The following CLCN4 variants were observed in gnomAD, a reference collection of about 807,000 sequenced individuals.
CLCN4 encodes Cl-/H+ antiporter 4, also known as H(+)/Cl(-) exchange transporter 4.
A neutral mutation model predicts 41.7 loss-of-function variants in CLCN4; 1 was observed. The ratio of observed to expected loss-of-function variants is 0.02; its 90% CI spans 0.01 to 0.11. The LOEUF is 0.11. Among genes scored for constraint, CLCN4 ranks in the 10% least tolerant of loss-of-function variants. The pLI is 1.00. For missense variants in CLCN4, 287 were observed against 661.0 expected (o/e 0.43, Z 6.20); for synonymous variants, 277 against 285.8 (o/e 0.97, Z 0.31).
Position 10,181,678 on chromosome X carries a change from T to C in CLCN4, c.-11-3344T>C, listed in dbSNP as rs1923688616. 3.6e-5 allele frequency among the ~76,000 whole-genome samples: 4 copies of C among 112,027 alleles called. No individual in the cohort carries two copies. The Admixed American group carries it at 3.8e-4, about 11-fold the overall frequency. ...TACTTAGAATCTGTCCTTCTAGATC[T>C]TGATCTAGGTGATTTCCTGCTTTCT... On this transcript the variant is annotated intron_variant, in intron 2 of 12. Transcript: ENST00000380833.
chrX:10,163,497 T>G (rs1923165957), intron 2 of CLCN4, among the ~76,000 whole-genome samples: 1 of 109,105 alleles, frequency 9.2e-6, no homozygotes, highest in African/African-American at 3.4e-5. Flanking sequence ...AACCTTCATC[T>G]CCCAGGTTCA....
chrX:10,158,068 G>A (rs927340398), intron 1 of CLCN4, among the ~76,000 whole-genome samples: 8 of 112,575 alleles, frequency 7.1e-5, no homozygotes, highest in Non-Finnish European at 1.3e-4. Context: ...TCTAGGCAAA[G>A]TATGTCCATG....
Position 10,214,601 on chromosome X carries a change from TATG to T in CLCN4, c.1975+526_1975+528del, listed in dbSNP as rs1366513968. ...ACAAGTCTTTTGCTTCACTTTGTGA[TATG>T]ATGTCAGATTCCACAGTTAGAGGCC... On this transcript the variant is annotated intron_variant, in intron 11 of 12. Transcript: ENST00000380833. Among the ~76,000 whole-genome samples the T allele has an allele frequency of 6.2e-5, 7 of 113,053 alleles. No individual in the cohort carries two copies. The East Asian group carries it at 1.7e-3, about 27-fold the overall frequency.
chrX:10,173,187 G>C (rs754173696), intron 2 of CLCN4, among the ~76,000 whole-genome samples: 1 of 111,476 alleles, frequency 9.0e-6, no homozygotes, highest in East Asian at 2.8e-4. Flanking sequence ...GGTGGTCTCA[G>C]GCATCGCTTG....
chrX:10,212,519 G>C lies in CLCN4; in HGVS notation c.1442G>C (p.Arg481Thr). ...PSMAVGAIAG[R>T]MVGIGVEQLA... Reference sequence around the variant, plus strand: ...ATGGCTGTGGGCGCGATAGCGGGCAGGATGGTGGGAATTGGCGTGGAGCAG... The same window carrying C: ...ATGGCTGTGGGCGCGATAGCGGGCACGATGGTGGGAATTGGCGTGGAGCAG... Residue 481 changes from arginine to threonine, a missense_variant, in exon 10 of 13, where the codon AGG becomes ACG. By Grantham distance (71) the Arg-to-Thr change is moderately conservative. This residue lies in a region of CLCN4 where 94 missense variants were observed against 177.9 expected (regional missense o/e 0.53). Coordinates refer to ENST00000380833, the MANE Select transcript of CLCN4 (RefSeq NM_001830.4). 8.3e-7 allele frequency: 1 copy of C among 1,212,091 alleles called. No individual in the cohort carries two copies. Among genetic ancestry groups the C allele is most frequent in the Non-Finnish European group, 1.1e-6 (1 of 895,549 alleles).
chrX:10,166,143 A>T (rs1186302042), intron 2 of CLCN4, among the ~76,000 whole-genome samples: 1 of 112,304 alleles, frequency 8.9e-6, no homozygotes, highest in Non-Finnish European at 1.9e-5. Context: ...TGTCTTCAGC[A>T]GCTGTGATGG....
chrX:10,229,045 C>T (rs1428574858), intron 12 of CLCN4, among the ~76,000 whole-genome samples: 1 of 111,365 alleles, frequency 9.0e-6, no homozygotes, highest in African/African-American at 3.3e-5. Context: ...AATTAGCCAA[C>T]CTAAATGTCA....
intron 2 of CLCN4, among the ~76,000 whole-genome samples, chrX:10,175,913 CCTCTCT>C (rs1164134057): frequency 1.3e-5 from 1 of 77,370 alleles, no homozygotes; most frequent in African/African-American, 5.1e-5. Context: ...TCCCTCCCTC[CCTCTCT>C]CTCTCTCTCC....
chrX:10,211,191 A>G (rs1267496219), intron 9 of CLCN4, among the ~76,000 whole-genome samples: 2 of 92,696 alleles, frequency 2.2e-5, no homozygotes, highest in Non-Finnish European at 4.1e-5. Flanking sequence ...ACTTGAACGC[A>G]GGAGGCAGAG....
At chrX:10,158,685 G>A (rs1280873451) in intron 2 of CLCN4, 134 bp downstream of exon 2, 1 of 237,884 alleles carries the variant, frequency 4.2e-6, no homozygotes, top group Non-Finnish European at 7.6e-6. Flanking sequence ...TGGCTGCTGC[G>A]GCGCCTGCTG....
intron 6 of CLCN4, 99 bp from the exon 7 acceptor site, chrX:10,206,259 A>T: frequency 1.7e-6 from 1 of 587,490 alleles, no homozygotes; most frequent in African/African-American, 2.2e-5. Context: ...TATTGAGTGA[A>T]TCTAAACTTT....
At chrX:10,221,890 G>A (rs1212319584) in intron 12 of CLCN4, among the ~76,000 whole-genome samples, 1 of 111,503 alleles carries the variant, frequency 9.0e-6, no homozygotes, top group African/African-American at 3.3e-5. Context: ...CATGAACTGA[G>A]GTCGCTTGTG....
intron 11 of CLCN4, among the ~76,000 whole-genome samples, chrX:10,217,259 C>T (rs1319653482): frequency 1.8e-5 from 2 of 109,495 alleles, no homozygotes; most frequent in East Asian, 5.8e-4. Flanking sequence ...CACCACCATG[C>T]CTGGCTAAGC....
At chrX:10,189,828 C>G (rs1923910645) in intron 4 of CLCN4, among the ~76,000 whole-genome samples, 1 of 112,094 alleles carries the variant, frequency 8.9e-6, no homozygotes, top group Non-Finnish European at 1.9e-5. Context: ...AAAGCTGAGG[C>G]CTGCTGAAGC....
At chrX:10,206,830 G>A (rs1924400854) in intron 8 of CLCN4, 54 bp downstream of exon 8, 2 of 865,697 alleles carry the variant, frequency 2.3e-6, no homozygotes, top group East Asian at 6.4e-5. Context: ...GGCCCGTTGA[G>A]GGTTAGAATC....
At chrX:10,162,013 CTTTTTTTTTTTT>C (rs34007951) in intron 2 of CLCN4, among the ~76,000 whole-genome samples, 5 of 61,542 alleles carry the variant, frequency 8.1e-5, no homozygotes, top group Non-Finnish European at 1.4e-4. Flanking sequence ...CCAGTTGAGT[CTTTTTTTTTTTT>C]TTTTTTTTTT....
In CLCN4 at chrX:10,237,586, C is replaced by T. The variant is rs1353605542; in HGVS notation, c.*4002C>T. 4 of 111,385 alleles carry T rather than the reference C, an allele frequency of 3.6e-5. No individual in the cohort carries two copies. Among genetic ancestry groups the T allele is most frequent in the Non-Finnish European group, 7.5e-5 (4 of 53,133 alleles). The allele number at this position is 111,385 out of a possible 1,213,427, so 9.2% of individuals were successfully genotyped here. A position where few individuals can be genotyped will look rare whatever the true frequency, so the allele number is the denominator to read the frequency against. ...GTAACACTCTGTGTAAACGTTGACA[C>T]CTTATTAAATATTAAATGTCTGAAC... On this transcript the variant is annotated 3_prime_UTR_variant, in exon 13 of 13. Transcript: ENST00000380833.
intron 11 of CLCN4, 113 bp downstream of exon 11, chrX:10,214,192 G>A (rs375741692): frequency 1.2e-6 from 1 of 804,096 alleles, no homozygotes. Context: ...GGGCTCTCAA[G>A]CTTTCACATG....
At chrX:10,175,890 T>TCTC (rs1923509316) in intron 2 of CLCN4, among the ~76,000 whole-genome samples, 2 of 29,081 alleles carry the variant, frequency 6.9e-5, no homozygotes, top group African/African-American at 1.4e-4. Flanking sequence ...CTCTCTCTCT[T>TCTC]TCTCTCTCTC....
Sources: allele counts gnomAD v4.1 joint callset (sites outside exome capture counted in the v4.1 genomes callset), GRCh38; gene constraint gnomAD v4.1.1; regional missense constraint gnomAD v4.1.1; transcripts MANE v1.5; gene names NCBI Gene and HGNC (gene_info 2026-07-23, HGNC 2026-07-21).